The following SREBF1 variants were observed in gnomAD, a reference collection of about 807,000 sequenced individuals.
SREBF1 encodes sterol regulatory element binding transcription factor 1.
In SREBF1, 45 loss-of-function variants were observed where a neutral mutation model predicts 100.1. That is an observed-to-expected ratio of 0.45 (90% CI 0.35 to 0.58). The LOEUF is 0.58. Among genes scored for constraint, SREBF1 ranks in the 20% least tolerant of loss-of-function variants. SREBF1 has a pLI of 0.00. For synonymous variants in SREBF1, 657 were observed against 681.8 expected (o/e 0.96, Z 0.57); for missense variants, 1,324 against 1,539.4 (o/e 0.86, Z 2.34).
rs1023193483 is a variant in SREBF1 at position 17,819,520 on chromosome 17, C to T, written c.711+18G>A. ...GCTGGGGCTGCCCCCTCCCCAACCC[C>T]TGGCCAGACCCCCTCACCGGGACCT... On this transcript the variant is annotated intron_variant, in intron 3 of 18. Transcript: ENST00000261646. The T allele has an allele frequency of 3.1e-6, 5 of 1,613,578 alleles. No individual in the cohort carries two copies. The highest frequency in any genetic ancestry group is 4.2e-6 in the Non-Finnish European group (5 of 1,179,980).
At chr17:17,813,806 C>T (rs2033221169) in intron 16 of SREBF1, 37 bp from the exon 17 acceptor site, 2 of 1,530,042 alleles carry the variant, frequency 1.3e-6, no homozygotes, top group Non-Finnish European at 1.8e-6. Context: ...CACCAGGGCT[C>T]CAGCTCTGGG....
intron 1 of SREBF1, among the ~76,000 whole-genome samples, chr17:17,833,934 G>A (rs927257323): frequency 6.6e-6 from 1 of 151,728 alleles, no homozygotes; most frequent in Non-Finnish European, 1.5e-5. Context: ...TCATGCCACT[G>A]GACTACAGCA....
rs2033947822 is a variant in SREBF1 at position 17,819,744 on chromosome 17, G to A, written c.524-19C>T. 6.3e-7 allele frequency: 1 copy of A among 1,581,588 alleles called. No homozygotes were observed. Among genetic ancestry groups the A allele is most frequent in the Middle Eastern group, 2.2e-4 (1 of 4,504 alleles). ...GGGCTTCCTGCAGAAATAAAGCATG[G>A]GGCTGCAGACACAGACCTCCCTCTC... On this transcript the variant is annotated intron_variant, in intron 2 of 18. Coordinates refer to ENST00000261646, the MANE Select transcript of SREBF1 (RefSeq NM_004176.5).
intron 12 of SREBF1, 154 bp from the exon 13 acceptor site, chr17:17,815,483 A>T (rs369349460): frequency 1.6e-6 from 1 of 642,276 alleles, no homozygotes. Flanking sequence ...GACAGGGGAA[A>T]GCGGGTGGAC....
Position 17,820,531 on chromosome 17 carries a change from G to A in SREBF1, c.92-10C>T. On this transcript the variant is annotated splice_polypyrimidine_tract_variant and intron_variant, in intron 1 of 18. Coordinates refer to ENST00000261646, the MANE Select transcript of SREBF1 (RefSeq NM_004176.5). ...ATAAGCTGAAGCATGTCTGTGAAAA[G>A]GAGAAGAGGGTGCGTGAGTGAGGCA... 2 of 1,451,312 alleles carry A rather than the reference G, an allele frequency of 1.4e-6. No individual in the cohort carries two copies. The highest frequency in any genetic ancestry group is 1.9e-6 in the Non-Finnish European group (2 of 1,043,664). The allele number at this position is 1,451,312 out of a possible 1,614,324, so 89.9% of individuals were successfully genotyped here.
At chr17:17,813,793 G>A in intron 16 of SREBF1, 24 bp from the exon 17 acceptor site, 1 of 1,534,902 alleles carries the variant, frequency 6.5e-7, no homozygotes, top group Non-Finnish European at 8.7e-7. Context: ...GCAGGGCAGG[G>A]GTCACCAGGG....
Position 17,814,349 on chromosome 17 carries a change from C to T in SREBF1, c.2797G>A (p.Ala933Thr), listed in dbSNP as rs374501408. The T allele has an allele frequency of 1.3e-5, 20 of 1,579,176 alleles. No individual in the cohort carries two copies. Among genetic ancestry groups the T allele is most frequent in the Non-Finnish European group, 1.5e-5 (18 of 1,162,308 alleles). The change falls in exon 16 of 19, where the codon GCC becomes ACC. Residue 933 changes from alanine to threonine, a missense_variant. By Grantham distance (58) the Ala-to-Thr change is moderately conservative. Transcript: ENST00000261646. ...FKAARALLGC[A>T]KAESGPASLT... Reference sequence around the variant, plus strand: ...CTGGCTGGACCAGACTCTGCCTTGGCACAGCCCAGCAGGGCCCGGGCAGCC... The same window carrying T: ...CTGGCTGGACCAGACTCTGCCTTGGTACAGCCCAGCAGGGCCCGGGCAGCC...
chr17:17,817,553 T>C lies in SREBF1; in HGVS notation c.1405-96A>G. ...GGGGTCAGGATTCTGCCCACCTTAC[T>C]GTGGGACCCCACGTGGCTCCAGGCC... On this transcript the variant is annotated intron_variant, in intron 7 of 18. Coordinates refer to ENST00000261646, the MANE Select transcript of SREBF1 (RefSeq NM_004176.5). The surrounding 1 kb of genome is among the most constrained non-coding windows in gnomAD (Gnocchi z 6.6). 6.6e-7 allele frequency: 1 copy of C among 1,524,564 alleles called. No homozygotes were observed. Among genetic ancestry groups the C allele is most frequent in the Admixed American group, 1.9e-5 (1 of 51,514 alleles). The allele number at this position is 1,524,564 out of a possible 1,614,324, so 94.4% of individuals were successfully genotyped here.
chr17:17,811,633 G>C lies in SREBF1; in HGVS notation c.*989C>G. The C allele has an allele frequency of 4.6e-6, 2 of 437,712 alleles. No individual in the cohort carries two copies. The highest frequency in any genetic ancestry group is 9.1e-6 in the Non-Finnish European group (2 of 220,456). The allele number at this position is 437,712 out of a possible 1,614,324, so 27.1% of individuals were successfully genotyped here. ...CCCCTCTCCAGTGTGGCGGCAGGTC[G>C]GGAGGGAGGAGGCTTCTTTGCTGTG... On this transcript the variant is annotated 3_prime_UTR_variant, in exon 19 of 19. Transcript: ENST00000261646.
rs780588354 is a variant in SREBF1 at position 17,816,445 on chromosome 17, G to A, written c.2047+12C>T. The A allele has an allele frequency of 6.2e-6, 10 of 1,605,052 alleles. No individual in the cohort carries two copies. The highest frequency in any genetic ancestry group is 2.2e-5 in the East Asian group (1 of 44,490). On this transcript the variant is annotated intron_variant, in intron 10 of 18. Coordinates refer to ENST00000261646, the MANE Select transcript of SREBF1 (RefSeq NM_004176.5). ...GGGAGCACCTCGGAGCCCGCCCCAC[G>A]CTCAGTCCTACCCATGGTGTGCAGC...
chr17:17,819,357 A>G lies in SREBF1; in HGVS notation c.809T>C (p.Leu270Pro), dbSNP rs1212094021. 8 of 1,613,826 alleles carry G rather than the reference A, an allele frequency of 5.0e-6. No individual in the cohort carries two copies. The highest frequency in any genetic ancestry group is 5.9e-6 in the Non-Finnish European group (7 of 1,180,038). Residue 270 changes from leucine (L) to proline (P), a missense_variant, in exon 4 of 19, where the codon CTG (leucine) becomes CCG (proline). Coordinates refer to ENST00000261646, the MANE Select transcript of SREBF1 (RefSeq NM_004176.5). The part of the protein sequence containing the change: ...ATVKAAGLSP[L>P]VSGTTVQTGP... Reference sequence around the variant, plus strand: ...TGTCTGCACAGTGGTGCCAGAGACCAGGGGACTGAGACCTGCCGCCTTCAC... The same window carrying G: ...TGTCTGCACAGTGGTGCCAGAGACCGGGGGACTGAGACCTGCCGCCTTCAC...
chr17:17,815,792 C>G, intron 12 of SREBF1, 68 bp downstream of exon 12: 2 of 1,512,158 alleles, frequency 1.3e-6, no homozygotes, highest in Non-Finnish European at 1.8e-6. Context: ...GAGATTCAGG[C>G]GACAAGGGAC....
chr17:17,812,930 C>T, intron 18 of SREBF1, 79 bp from the exon 19 acceptor site: 9 of 1,315,796 alleles, frequency 6.8e-6, no homozygotes, highest in Middle Eastern at 5.4e-4. Flanking sequence ...ACACAAGCCA[C>T]GGCACCAGCC....
At position 17,820,312 on chromosome 17, in the gene SREBF1, G is replaced by C; in HGVS notation, c.301C>G (p.Gln101Glu). 1.2e-6 allele frequency: 2 copies of C among 1,613,804 alleles called. No individual in the cohort carries two copies. Among genetic ancestry groups the C allele is most frequent in the Non-Finnish European group, 1.7e-6 (2 of 1,179,930 alleles). Residue 101 changes from glutamine (Q) to glutamate (E), a missense_variant, in exon 2 of 19, where the codon CAG becomes GAG. Gln to Glu is a conservative substitution (Grantham distance 29). Transcript: ENST00000261646. Reference protein sequence around the residue: ...QAAPSPLSPPQPAPTPLKMYP... With the variant: ...QAAPSPLSPPEPAPTPLKMYP... ...ATCTTCAATGGAGTGGGTGCAGGCT[G>C]GGGAGGGGACAGGGGTGAGGGCGCT...
intron 5 of SREBF1, 48 bp from the exon 6 acceptor site, chr17:17,818,422 C>T (rs12601420): frequency 0.027 from 40,378 of 1,476,608 alleles, 2,035 homozygotes; most frequent in East Asian, 0.24. Context: ...CCTGTCAGGT[C>T]GGGGGTTGTG....
At chr17:17,827,819 C>T (rs756774107) in intron 1 of SREBF1, among the ~76,000 whole-genome samples, 1 of 152,226 alleles carries the variant, frequency 6.6e-6, no homozygotes, top group Non-Finnish European at 1.5e-5. Context: ...GCCCCAACTC[C>T]GGCCTGCCTC....
chr17:17,826,470 G>T (rs1433449875), intron 1 of SREBF1, among the ~76,000 whole-genome samples: 1 of 152,034 alleles, frequency 6.6e-6, no homozygotes, highest in Admixed American at 6.5e-5. Context: ...GGGTGAACCG[G>T]GCTTCCCTAT....
At chr17:17,833,150 G>A (rs193139262) in intron 1 of SREBF1, among the ~76,000 whole-genome samples, 108 of 151,494 alleles carry the variant, frequency 7.1e-4, no homozygotes, top group African/African-American at 2.4e-3. Context: ...CCAGCCGGGC[G>A]CGGTGGCTCA....
intron 1 of SREBF1, among the ~76,000 whole-genome samples, chr17:17,834,330 A>G (rs1381819264): frequency 1.3e-5 from 2 of 152,210 alleles, no homozygotes; most frequent in African/African-American, 4.8e-5. Flanking sequence ...GACACAAGTC[A>G]TCCTCTTGCT....
Sources: gnomAD v4.1 joint callset for allele counts (sites outside exome capture counted in the v4.1 genomes callset) on GRCh38, gnomAD v4.1.1 for gene constraint, Gnocchi (gnomAD v3.1) non-coding constraint, MANE v1.5 for transcripts, NCBI Gene and HGNC (gene_info 2026-07-23, HGNC 2026-07-21) for gene names.